The following MAGI2 variants were observed in gnomAD, a reference collection of about 807,000 sequenced individuals.
MAGI2 encodes membrane associated guanylate kinase, WW and PDZ domain containing 2.
MAGI2 carries 35 observed loss-of-function variants against 133.3 expected under a neutral mutation model. The observed-to-expected ratio is 0.26, with a 90% CI of 0.20 to 0.35. The LOEUF (loss-of-function observed/expected upper bound fraction) is 0.35, where lower values mean the gene tolerates loss of function less well. Ranked by LOEUF, MAGI2 falls within the 10% of genes least tolerant of loss-of-function variation. The pLI, the probability that MAGI2 is intolerant of heterozygous loss-of-function variation, is 1.00. For missense variants in MAGI2, 1,636 were observed against 1,863.4 expected, an observed-to-expected ratio of 0.88 and a Z score of 2.25; for synonymous variants, 729 against 710.6, an observed-to-expected ratio of 1.03 and a Z score of -0.41.
chr7:79,287,307 G>T (rs911374131), intron 1 of MAGI2, among the ~76,000 whole-genome samples: 1 of 152,006 alleles, frequency 6.6e-6, no homozygotes, highest in Non-Finnish European at 1.5e-5. Flanking sequence ...TCCCTCCGCA[G>T]GGCTTCTATA....
chr7:79,182,532 G>A (rs1295420001), intron 1 of MAGI2, among the ~76,000 whole-genome samples: 1 of 151,948 alleles, frequency 6.6e-6, no homozygotes, highest in Admixed American at 6.6e-5. Context: ...TGGGAACACA[G>A]CCAAACCACA....
chr7:78,193,669 T>C (rs1263554209), intron 12 of MAGI2, among the ~76,000 whole-genome samples: 1 of 152,050 alleles, frequency 6.6e-6, no homozygotes, highest in Non-Finnish European at 1.5e-5. Context: ...GACATTCTAA[T>C]GATACAACCT....
chr7:78,948,243 ATAT>A (rs551236025), intron 2 of MAGI2, among the ~76,000 whole-genome samples: 4 of 152,052 alleles, frequency 2.6e-5, no homozygotes, highest in Non-Finnish European at 5.9e-5. Flanking sequence ...TATACATTTA[ATAT>A]TATTTCTTAA....
intron 10 of MAGI2, among the ~76,000 whole-genome samples, chr7:78,203,638 C>T (rs1211429076): frequency 6.6e-6 from 1 of 152,088 alleles, no homozygotes; most frequent in Non-Finnish European, 1.5e-5. Flanking sequence ...CAATAGTAGT[C>T]CTTTCTGAAT....
chr7:78,290,762 A>C (rs1460202773), intron 9 of MAGI2, among the ~76,000 whole-genome samples: 1 of 152,206 alleles, frequency 6.6e-6, no homozygotes, highest in Non-Finnish European at 1.5e-5. Flanking sequence ...CCACAGTGCT[A>C]TCAGAACTCA....
intron 6 of MAGI2, among the ~76,000 whole-genome samples, chr7:78,460,166 A>T (rs2151507131): frequency 6.6e-6 from 1 of 152,366 alleles, no homozygotes; most frequent in Admixed American, 6.5e-5. Flanking sequence ...ACACAGAAAC[A>T]TCCAGAAACA....
At chr7:79,269,255 T>C (rs548836576) in intron 1 of MAGI2, among the ~76,000 whole-genome samples, 1 of 152,266 alleles carries the variant, frequency 6.6e-6, no homozygotes, top group South Asian at 2.1e-4. Context: ...ATGGAGCAAC[T>C]CAATCCCTAG....
chr7:78,409,325 A>T (rs1160083598), intron 6 of MAGI2, among the ~76,000 whole-genome samples: 1 of 152,112 alleles, frequency 6.6e-6, no homozygotes, highest in African/African-American at 2.4e-5. Flanking sequence ...TGAAAGAATG[A>T]GCAAGAAATC....
chr7:78,161,723 ATTT>A (rs1222090275), intron 15 of MAGI2, among the ~76,000 whole-genome samples: 30 of 149,780 alleles, frequency 2.0e-4, no homozygotes, highest in Non-Finnish European at 3.7e-4. Flanking sequence ...ATATACTTAG[ATTT>A]TAAAAAATGG....
At chr7:78,922,882 AT>A (rs931013704) in intron 2 of MAGI2, among the ~76,000 whole-genome samples, 26 of 151,382 alleles carry the variant, frequency 1.7e-4, no homozygotes, top group African/African-American at 5.8e-4. Flanking sequence ...AATGATTGCC[AT>A]TCTAACTGGT....
At chr7:79,346,967 G>A (rs929958730) in intron 1 of MAGI2, among the ~76,000 whole-genome samples, 1 of 151,992 alleles carries the variant, frequency 6.6e-6, no homozygotes, top group African/African-American at 2.4e-5. Context: ...GACTCTGGCT[G>A]TCTTGAACAT....
intron 1 of MAGI2, among the ~76,000 whole-genome samples, chr7:79,388,559 A>C (rs1844364300): frequency 6.6e-6 from 1 of 151,860 alleles, no homozygotes; most frequent in Non-Finnish European, 1.5e-5. Context: ...AAATTATGGT[A>C]AAGTATGTAA....
intron 9 of MAGI2, among the ~76,000 whole-genome samples, chr7:78,301,737 A>T (rs1387162703): frequency 2.0e-5 from 3 of 152,156 alleles, no homozygotes; most frequent in Non-Finnish European, 4.4e-5. Flanking sequence ...TACCAATCTC[A>T]GCAGCTTTGT....
intron 1 of MAGI2, among the ~76,000 whole-genome samples, chr7:79,364,597 T>C (rs1439936778): frequency 1.3e-5 from 2 of 151,994 alleles, no homozygotes; most frequent in African/African-American, 2.4e-5. Context: ...GATAGACATA[T>C]AGATCAATAA....
chr7:78,249,540 G>T (rs2150932661), intron 10 of MAGI2, among the ~76,000 whole-genome samples: 1 of 152,218 alleles, frequency 6.6e-6, no homozygotes, highest in East Asian at 1.9e-4. Flanking sequence ...AAAAGAGAAT[G>T]AAATCCTGTC....
rs1430769643 is a variant in MAGI2, at chr7:78,343,803, T to G, written c.1383A>C (p.Ala461=). The G allele has an allele frequency of 6.2e-7, 1 of 1,605,496 alleles. No individual in the cohort carries two copies. Among genetic ancestry groups the G allele is most frequent in the East Asian group, 2.2e-5 (1 of 44,590 alleles). The change falls in exon 9 of 22, where the codon GCA becomes GCC. Residue 461 remains alanine (A), a synonymous_variant. Coordinates refer to ENST00000354212, the MANE Select transcript of MAGI2 (RefSeq NM_012301.4). ...CTGTTTCCATTTTTCCATCCTGTGC[T>G]GCAGGCCCATCCGGAATCACACTTT... ...QVKSVIPDGP[A]AQDGKMETGD... is the part of the protein sequence containing the mutation.
At chr7:78,765,134 G>A (rs1182608500) in intron 2 of MAGI2, among the ~76,000 whole-genome samples, 2 of 152,136 alleles carry the variant, frequency 1.3e-5, no homozygotes, top group East Asian at 1.9e-4. Flanking sequence ...GCACTCAAGT[G>A]TGATTTCTTA....
chr7:78,432,379 C>A (rs1014103980), intron 6 of MAGI2, among the ~76,000 whole-genome samples: 1 of 152,014 alleles, frequency 6.6e-6, no homozygotes, highest in Non-Finnish European at 1.5e-5. Flanking sequence ...GATTGTAGTT[C>A]TAACCGTGCT....
chr7:78,571,940 A>G (rs771133198), intron 3 of MAGI2, among the ~76,000 whole-genome samples: 1 of 152,154 alleles, frequency 6.6e-6, no homozygotes, highest in Non-Finnish European at 1.5e-5. Flanking sequence ...CTAACATTCA[A>G]TTTCTGATAT....
Sources: allele counts gnomAD v4.1 joint callset (sites outside exome capture counted in the v4.1 genomes callset), GRCh38; gene constraint gnomAD v4.1.1; transcripts MANE v1.5; gene names NCBI Gene and HGNC (gene_info 2026-07-23, HGNC 2026-07-21).